Variants in EPHB1 observed in about 807,000 individuals in gnomAD.
EPHB1 encodes ephrin type-B receptor 1.
A neutral mutation model predicts 94.4 loss-of-function variants in EPHB1; 30 were observed. The observed-to-expected ratio is 0.32, with a 90% CI of 0.24 to 0.43. The LOEUF (loss-of-function observed/expected upper bound fraction) is 0.43. Among genes scored for constraint, EPHB1 ranks in the 20% least tolerant of loss-of-function variants. The pLI, the probability that EPHB1 is intolerant of heterozygous loss-of-function variation, is 1.00. For synonymous variants in EPHB1, 522 were observed against 489.1 expected (o/e 1.07, Z -0.89); for missense variants, 1,055 against 1,308.3 (o/e 0.81, Z 2.99).
chr3:134,993,605 T>C (rs1177427745), intron 3 of EPHB1, among the ~76,000 whole-genome samples: 1 of 152,204 alleles, frequency 6.6e-6, no homozygotes, highest in Non-Finnish European at 1.5e-5. Context: ...TGGAGGGATG[T>C]ACAGTGTTGG....
chr3:135,127,624 G>C (rs899267168), intron 4 of EPHB1, among the ~76,000 whole-genome samples: 2 of 152,134 alleles, frequency 1.3e-5, no homozygotes, highest in East Asian at 3.9e-4. Context: ...GGGCTTACCT[G>C]TCTTCAGCAG....
chr3:134,801,232 C>T, intron 1 of EPHB1, among the ~76,000 whole-genome samples: 1 of 152,208 alleles, frequency 6.6e-6, no homozygotes, highest in East Asian at 1.9e-4. Flanking sequence ...TCCACTATTC[C>T]CACCCCTATT....
rs1323088632 is a variant in EPHB1 at position 135,217,462 on chromosome 3, ACACACG to A, written c.2346+15780_2346+15785del. Among the ~76,000 whole-genome samples, 1,114 of 144,456 alleles carry A rather than the reference ACACACG, an allele frequency of 7.7e-3. 13 individuals carry two copies. The highest frequency in any genetic ancestry group is 0.027 in the African/African-American group (996 of 37,092). 94.8% of individuals were successfully genotyped at this position (144,456 alleles called of 152,430 possible). A position where few individuals can be genotyped will look rare whatever the true frequency, so the allele number is the denominator to read the frequency against. ...CACACACACACACACACACACACAC[ACACACG>A]CACACGGGGAGAGAGAGAGAGAGAG... On this transcript the variant is annotated intron_variant, in intron 12 of 15. Transcript: ENST00000398015.
intron 12 of EPHB1, among the ~76,000 whole-genome samples, chr3:135,239,098 G>T (rs1014921616): frequency 6.6e-6 from 1 of 152,160 alleles, no homozygotes; most frequent in African/African-American, 2.4e-5. Context: ...GGCATTTGTC[G>T]TGTAGCTGGC....
chr3:135,225,807 T>C (rs1311772401), intron 12 of EPHB1, among the ~76,000 whole-genome samples: 1 of 151,544 alleles, frequency 6.6e-6, no homozygotes, highest in East Asian at 2.0e-4. Context: ...CCAGCTGCCC[T>C]TGGGACAGCC....
chr3:135,242,157 A>T (rs1943800550), intron 13 of EPHB1, among the ~76,000 whole-genome samples: 1 of 152,186 alleles, frequency 6.6e-6, no homozygotes, highest in Non-Finnish European at 1.5e-5. Flanking sequence ...CTCTCCAGGG[A>T]CCAGGCCTCT....
intron 10 of EPHB1, among the ~76,000 whole-genome samples, chr3:135,190,759 C>A (rs975378982): frequency 6.6e-6 from 1 of 152,194 alleles, no homozygotes; most frequent in African/African-American, 2.4e-5. Context: ...GAATCTTCAG[C>A]AGTTTGTAAC....
intron 3 of EPHB1, among the ~76,000 whole-genome samples, chr3:135,085,212 T>C (rs1381289737): frequency 6.6e-6 from 1 of 152,154 alleles, no homozygotes; most frequent in Non-Finnish European, 1.5e-5. Flanking sequence ...AGTTAGTTGA[T>C]TAACACAAAG....
intron 3 of EPHB1, among the ~76,000 whole-genome samples, chr3:134,992,455 G>T (rs573470182): frequency 1.3e-5 from 2 of 152,326 alleles, no homozygotes; most frequent in South Asian, 4.1e-4. Context: ...GTTTGTTTCA[G>T]TTCTTGTTTC....
chr3:134,925,032 G>A (rs1294158991), intron 1 of EPHB1, among the ~76,000 whole-genome samples: 2 of 152,214 alleles, frequency 1.3e-5, no homozygotes, highest in Admixed American at 6.5e-5. Flanking sequence ...ATATCAAAAT[G>A]TATCAAATCA....
At chr3:134,981,366 GGTATCT>G (rs1218287456) in intron 3 of EPHB1, among the ~76,000 whole-genome samples, 3 of 152,172 alleles carry the variant, frequency 2.0e-5, no homozygotes, top group African/African-American at 7.2e-5. Context: ...AGGGTAGGCA[GGTATCT>G]GTTCCATGTC....
Position 134,901,321 on chromosome 3 carries a change from T to C in EPHB1, c.59-24495T>C, listed in dbSNP as rs76417353. Among the ~76,000 whole-genome samples, 671 of 152,360 alleles carry C rather than the reference T, an allele frequency of 4.4e-3. 43 individuals carry two copies. The East Asian group carries it at 0.11, about 26-fold the overall frequency. On this transcript the variant is annotated intron_variant, in intron 1 of 15. Transcript: ENST00000398015. Reference sequence around the variant, plus strand: ...ACGTAACACTTGGTTGATTTGTCTCTTAAAAGACTCCTTAGGCTCCTTCGC... The same window carrying C: ...ACGTAACACTTGGTTGATTTGTCTCCTAAAAGACTCCTTAGGCTCCTTCGC...
At chr3:135,116,082 C>T (rs1939692661) in intron 4 of EPHB1, among the ~76,000 whole-genome samples, 1 of 152,104 alleles carries the variant, frequency 6.6e-6, no homozygotes, top group East Asian at 1.9e-4. Context: ...GGCATGGTGG[C>T]ACACACCTGT....
intron 3 of EPHB1, among the ~76,000 whole-genome samples, chr3:135,019,512 G>A (rs181632646): frequency 9.9e-5 from 15 of 152,230 alleles, no homozygotes; most frequent in East Asian, 7.7e-4. Flanking sequence ...TATGCCTATC[G>A]TAGAAACATG....
At position 134,941,568 on chromosome 3, in the gene EPHB1, C is replaced by G. The variant is rs905991872; in HGVS notation, c.124-9803C>G. Among the ~76,000 whole-genome samples the G allele has an allele frequency of 1.6e-4, 24 of 152,200 alleles. 1 individual carries two copies. In the Middle Eastern group the frequency reaches 0.02, roughly 129 times the overall value. On this transcript the variant is annotated intron_variant, in intron 2 of 15. Transcript: ENST00000398015. ...ACTAATCAGACTTGGTTCCAAATGA[C>G]TTTTGCCTGTTTCTGAAATTCAAAT...
intron 5 of EPHB1, 71 bp downstream of exon 5, chr3:135,133,120 C>G: frequency 3.5e-6 from 5 of 1,420,474 alleles, no homozygotes; most frequent in Non-Finnish European, 4.8e-6. Flanking sequence ...AGGGACACAG[C>G]TGCAGCCACA....
intron 3 of EPHB1, among the ~76,000 whole-genome samples, chr3:135,053,027 G>GTGTATATATATATATA (rs1256844091): frequency 2.2e-4 from 24 of 110,460 alleles, no homozygotes; most frequent in Admixed American, 3.8e-4. Context: ...GTGTGTGTGT[G>GTGTATATATATATATA]TATATATATA....
chr3:135,147,423 G>C (rs910566059), intron 5 of EPHB1, among the ~76,000 whole-genome samples: 12 of 152,216 alleles, frequency 7.9e-5, no homozygotes, highest in African/African-American at 2.9e-4. Flanking sequence ...TCTTCAACTT[G>C]TGTATGAACG....
intron 1 of EPHB1, among the ~76,000 whole-genome samples, chr3:134,799,827 G>A (rs1375160543): frequency 6.6e-6 from 1 of 152,182 alleles, no homozygotes; most frequent in Non-Finnish European, 1.5e-5. Flanking sequence ...CAGAGGCATG[G>A]TATGGTTCTC....
Sources: gnomAD v4.1 joint callset for allele counts (sites outside exome capture counted in the v4.1 genomes callset) on GRCh38, gnomAD v4.1.1 for gene constraint, MANE v1.5 for transcripts, NCBI Gene and HGNC (gene_info 2026-07-23, HGNC 2026-07-21) for gene names.